The following CUX1 variants were observed in gnomAD, a reference collection of about 807,000 sequenced individuals.
The protein encoded by CUX1 is protein CASP.
Under a neutral mutation model 158.8 loss-of-function variants are expected in CUX1, and 31 were observed. That is an observed-to-expected ratio of 0.20 (90% confidence interval 0.15 to 0.26). The LOEUF (loss-of-function observed/expected upper bound fraction) is 0.26, where lower values mean the gene tolerates loss of function less well. Among genes scored for constraint, CUX1 ranks in the 10% least tolerant of loss-of-function variants. The pLI, the probability that CUX1 is intolerant of heterozygous loss-of-function variation, is 1.00. For missense variants in CUX1, 1,589 were observed against 2,014.6 expected, an observed-to-expected ratio of 0.79 and a Z score of 4.04; for synonymous variants, 879 against 862.1, an observed-to-expected ratio of 1.02 and a Z score of -0.34.
At chr7:102,143,202 G>A (rs1312010252) in intron 8 of CUX1, among the ~76,000 whole-genome samples, 1 of 152,178 alleles carries the variant, frequency 6.6e-6, no homozygotes. Flanking sequence ...CCCTTCCTGG[G>A]TCAGATGGTA....
At chr7:102,115,345 C>T (rs372508164) in intron 8 of CUX1, 72 bp downstream of exon 8, 12 of 1,350,146 alleles carry the variant, frequency 8.9e-6, no homozygotes, top group East Asian at 4.6e-5. Flanking sequence ...AGGGCAGGAT[C>T]GAGAAGGTTC....
intron 2 of CUX1, among the ~76,000 whole-genome samples, chr7:101,983,132 C>A (rs535828247): frequency 6.6e-6 from 1 of 152,250 alleles, no homozygotes; most frequent in African/African-American, 2.4e-5. Context: ...TTCAGAAGGA[C>A]GGAGATGTTT....
intron 1 of CUX1, among the ~76,000 whole-genome samples, chr7:101,888,431 T>C (rs1800497877): frequency 6.6e-6 from 1 of 152,256 alleles, no homozygotes; most frequent in Non-Finnish European, 1.5e-5. Context: ...TTCAGACTTG[T>C]TCGTAGATTT....
intron 2 of CUX1, among the ~76,000 whole-genome samples, chr7:101,953,014 C>T (rs919429389): frequency 5.3e-5 from 8 of 152,188 alleles, no homozygotes; most frequent in Admixed American, 2.6e-4. Context: ...GGGACCCCTT[C>T]GGAGCATCTC....
chr7:102,085,665 G>T (rs1162469914), intron 4 of CUX1, among the ~76,000 whole-genome samples: 4 of 152,054 alleles, frequency 2.6e-5, no homozygotes, highest in East Asian at 1.9e-4. Flanking sequence ...CCCAGTCTAG[G>T]GTATGTCTTT....
intron 10 of CUX1, among the ~76,000 whole-genome samples, chr7:102,177,903 G>GT (rs1199244770): frequency 1.3e-5 from 2 of 149,452 alleles, no homozygotes; most frequent in South Asian, 2.1e-4. Flanking sequence ...GTTTTTTTTT[G>GT]TTTTTTTGAG....
chr7:102,070,448 G>T (rs769521863), intron 4 of CUX1, 31 bp downstream of exon 4: 2 of 1,562,320 alleles, frequency 1.3e-6, no homozygotes, highest in Non-Finnish European at 1.7e-6. Flanking sequence ...CCCACCAGTG[G>T]GGGGCGTTGT....
chr7:101,963,265 C>G (rs895570513), intron 2 of CUX1, among the ~76,000 whole-genome samples: 1 of 152,188 alleles, frequency 6.6e-6, no homozygotes, highest in Non-Finnish European at 1.5e-5. Flanking sequence ...CTGTCCTCCC[C>G]CTCACTGATG....
chr7:102,108,615 A>G (rs879946051), intron 6 of CUX1, among the ~76,000 whole-genome samples: 2 of 152,190 alleles, frequency 1.3e-5, no homozygotes, highest in Admixed American at 1.3e-4. Flanking sequence ...AGGATTACAG[A>G]CATAAGTCAC....
intron 3 of CUX1, among the ~76,000 whole-genome samples, chr7:102,028,983 T>C (rs1340272549): frequency 7.0e-6 from 1 of 142,130 alleles, no homozygotes; most frequent in African/African-American, 2.6e-5. Context: ...GGTACAGTCT[T>C]AGGGATTTTT....
At chr7:102,107,238 A>C (rs933955294) in intron 6 of CUX1, among the ~76,000 whole-genome samples, 2 of 149,368 alleles carry the variant, frequency 1.3e-5, no homozygotes, top group Non-Finnish European at 3.0e-5. Context: ...TGTCTCAAAA[A>C]AGAAAAGAAA....
chr7:101,946,610 C>T (rs1808411483), intron 2 of CUX1, among the ~76,000 whole-genome samples: 1 of 149,862 alleles, frequency 6.7e-6, no homozygotes, highest in South Asian at 2.1e-4. Flanking sequence ...GTGAAGCTTG[C>T]AGCTGGCAAA....
intron 1 of CUX1, among the ~76,000 whole-genome samples, chr7:101,889,100 T>C (rs1584892039): frequency 6.6e-6 from 1 of 151,536 alleles, no homozygotes; most frequent in South Asian, 2.1e-4. Context: ...ACCCCGTCTC[T>C]ACAAGAAAAT....
At chr7:102,188,906 CA>C (rs1793955248) in intron 11 of CUX1, 1 of 152,066 alleles carries the variant, frequency 6.6e-6, no homozygotes, top group Non-Finnish European at 1.5e-5. Flanking sequence ...TTCTGGAGCC[CA>C]CTGGAGCGTC....
chr7:102,059,631 C>CA (rs747660590), intron 3 of CUX1, among the ~76,000 whole-genome samples: 6,520 of 87,692 alleles, frequency 0.074, 564 homozygotes, highest in African/African-American at 0.22. Context: ...GACTTCATCT[C>CA]AAAAAAAAAA....
chr7:102,202,325 G>T, intron 18 of CUX1, 121 bp downstream of exon 18: 1 of 1,322,282 alleles, frequency 7.6e-7, no homozygotes, highest in Non-Finnish European at 1.0e-6. Context: ...AGAGCGTAAG[G>T]CATCCTCTGC....
chr7:101,971,081 G>T (rs1047092759), intron 2 of CUX1, among the ~76,000 whole-genome samples: 2 of 152,204 alleles, frequency 1.3e-5, no homozygotes, highest in Non-Finnish European at 2.9e-5. Context: ...TCCTGAAAAA[G>T]ATACTTTCCC....
At chr7:102,120,701 G>C (rs1395163437) in intron 8 of CUX1, among the ~76,000 whole-genome samples, 1 of 152,190 alleles carries the variant, frequency 6.6e-6, no homozygotes, top group Non-Finnish European at 1.5e-5. Context: ...TCAGCACTGG[G>C]GAGCCTCTAC....
intron 20 of CUX1, 52 bp from the exon 21 acceptor site, chr7:102,227,315 T>C (rs1798437734): frequency 6.7e-7 from 1 of 1,484,612 alleles, no homozygotes; most frequent in South Asian, 1.2e-5. Flanking sequence ...TAGATGGTCG[T>C]GGTAAAAGAC....
Sources: allele counts gnomAD v4.1 joint callset (sites outside exome capture counted in the v4.1 genomes callset), GRCh38; gene constraint gnomAD v4.1.1; transcripts MANE v1.5; gene names NCBI Gene and HGNC (gene_info 2026-07-23, HGNC 2026-07-21).